Variants in RANBP3L observed in about 807,000 individuals in gnomAD.
RANBP3L encodes the protein ran-binding protein 3-like.
A neutral mutation model predicts 67.2 loss-of-function variants in RANBP3L; 56 were observed. The observed-to-expected ratio is 0.83, with a 90% CI of 0.67 to 1.04. The LOEUF is 1.04. Ranked by LOEUF, RANBP3L falls within the 50% of genes least tolerant of loss-of-function variation. RANBP3L has a pLI of 0.00. For synonymous variants in RANBP3L, 164 were observed against 181.4 expected, an observed-to-expected ratio of 0.90 and a Z score of 0.77; for missense variants, 496 against 535.5, an observed-to-expected ratio of 0.93 and a Z score of 0.73.
At chr5:36,269,312 CT>C (rs1750040559) in intron 4 of RANBP3L, 77 bp downstream of exon 4, 1 of 871,026 alleles carries the variant, frequency 1.1e-6, no homozygotes, top group Non-Finnish European at 1.9e-6. Flanking sequence ...TAACATTACC[CT>C]TTTGAAAAGT....
intron 1 of RANBP3L, among the ~76,000 whole-genome samples, chr5:36,274,982 A>T (rs1361775151): frequency 6.6e-6 from 1 of 152,092 alleles, no homozygotes; most frequent in Non-Finnish European, 1.5e-5. Flanking sequence ...ATACTTTAAA[A>T]CTTAAAGGTT....
intron 1 of RANBP3L, among the ~76,000 whole-genome samples, chr5:36,291,319 A>T (rs545619881): frequency 9.3e-5 from 14 of 150,660 alleles, no homozygotes; most frequent in African/African-American, 3.4e-4. Flanking sequence ...TGACTGGCTT[A>T]TTTCATTTAA....
chr5:36,300,119 A>C lies in RANBP3L; in HGVS notation c.91+1207T>G, dbSNP rs1752513815. ...TTAACATTTCATACAAAGTCAACAG[A>C]AAACAAAAACCTCTGATAAACTAGA... On this transcript the variant is annotated intron_variant, in intron 1 of 13. Transcript: ENST00000296604. 3.3e-5 allele frequency among the ~76,000 whole-genome samples: 5 copies of C among 152,222 alleles called. No homozygotes were observed. The South Asian group carries it at 1.0e-3, about 32-fold the overall frequency.
At position 36,299,335 on chromosome 5, in the gene RANBP3L, A is replaced by ATGTGTGTGTG. The variant is rs368964724; in HGVS notation, c.91+1981_91+1990dup. Among the ~76,000 whole-genome samples the ATGTGTGTGTG allele has an allele frequency of 2.5e-3, 364 of 145,352 alleles. 2 individuals are homozygous for ATGTGTGTGTG. Among genetic ancestry groups the ATGTGTGTGTG allele is most frequent in the African/African-American group, 9.0e-3 (350 of 38,872 alleles). On this transcript the variant is annotated intron_variant, in intron 1 of 13. Coordinates refer to ENST00000296604, the MANE Select transcript of RANBP3L (RefSeq NM_145000.5). ...TCTGTATATATATACACATACATAT[A>ATGTGTGTGTG]TGTGTGTGTGTGTGTGTGTGTGTGT... is the stretch of plus-strand genomic sequence containing the variant.
At chr5:36,257,688 T>G in intron 8 of RANBP3L, 132 bp from the exon 9 acceptor site, 1 of 460,182 alleles carries the variant, frequency 2.2e-6, no homozygotes, top group Non-Finnish European at 3.9e-6. Flanking sequence ...GTTTTTGTTT[T>G]GGACTTTCTG....
chr5:36,275,909 T>C (rs1373854187), intron 1 of RANBP3L, among the ~76,000 whole-genome samples: 2 of 152,126 alleles, frequency 1.3e-5, no homozygotes, highest in African/African-American at 4.8e-5. Flanking sequence ...CATAAAACCA[T>C]TTGATTCTTT....
rs755849987 is a variant in RANBP3L, at chr5:36,301,376, C to G, written c.41G>C (p.Gly14Ala). Residue 14 changes from glycine (G) to alanine (A), a missense_variant, in exon 1 of 14, where the codon GGC becomes GCC. Physicochemically the swap from Gly to Ala is moderately conservative, Grantham distance 60. Coordinates refer to ENST00000296604, the MANE Select transcript of RANBP3L (RefSeq NM_145000.5). Reference sequence around the variant, plus strand: ...CTTCAGTTTACAGGTGTGCAAACTGCCAGGCAGGTGGCTGCTGCCTTTTCT... The same window carrying G: ...CTTCAGTTTACAGGTGTGCAAACTGGCAGGCAGGTGGCTGCTGCCTTTTCT... The part of the protein sequence containing the change: ...IPRKGSSHLP[G>A]SLHTCKLKLQ... The G allele has an allele frequency of 5.6e-6, 9 of 1,613,790 alleles. No individual in the cohort carries two copies. The South Asian group carries it at 9.9e-5, about 18-fold the overall frequency.
At chr5:36,296,468 G>T (rs1474943523) in intron 1 of RANBP3L, among the ~76,000 whole-genome samples, 1 of 152,122 alleles carries the variant, frequency 6.6e-6, no homozygotes, top group Admixed American at 6.6e-5. Context: ...CCATGGAGAA[G>T]TTTCTCTAGT....
At position 36,248,100 on chromosome 5, in the gene RANBP3L, TAA is replaced by T. The variant is rs1389080840; in HGVS notation, c.*1552_*1553del. Among the ~76,000 whole-genome samples, 1 of 152,208 alleles carries T rather than the reference TAA, an allele frequency of 6.6e-6. No individual in the cohort carries two copies. Among genetic ancestry groups the T allele is most frequent in the Non-Finnish European group, 1.5e-5 (1 of 68,032 alleles). ...GCATCAGAGTCACTCTTCTTGATTT[TAA>T]AAAAGAGTATTTCTGTTGTCCATTC... On this transcript the variant is annotated 3_prime_UTR_variant, in exon 14 of 14. Transcript: ENST00000296604.
At chr5:36,278,052 C>T (rs1008086246) in intron 1 of RANBP3L, among the ~76,000 whole-genome samples, 2 of 152,096 alleles carry the variant, frequency 1.3e-5, no homozygotes, top group African/African-American at 4.8e-5. Flanking sequence ...CACTGGGTCC[C>T]TCCCACAACA....
intron 1 of RANBP3L, among the ~76,000 whole-genome samples, chr5:36,279,301 T>C (rs1338242520): frequency 6.6e-6 from 1 of 152,220 alleles, no homozygotes; most frequent in Non-Finnish European, 1.5e-5. Flanking sequence ...TGAGACATTC[T>C]GTACTTGTTT....
intron 8 of RANBP3L, among the ~76,000 whole-genome samples, chr5:36,258,986 A>T (rs1749184222): frequency 6.6e-6 from 1 of 152,256 alleles, no homozygotes; most frequent in Non-Finnish European, 1.5e-5. Flanking sequence ...GTAAGAACTC[A>T]GTACATGTTT....
chr5:36,297,111 C>T (rs1752270554), intron 1 of RANBP3L, among the ~76,000 whole-genome samples: 1 of 151,974 alleles, frequency 6.6e-6, no homozygotes, highest in South Asian at 2.1e-4. Context: ...GACCAGAATC[C>T]TTATCAATAA....
intron 1 of RANBP3L, among the ~76,000 whole-genome samples, chr5:36,292,085 T>C (rs1157376570): frequency 6.7e-6 from 1 of 148,896 alleles, no homozygotes; most frequent in African/African-American, 2.5e-5. Context: ...TTTTGAATGA[T>C]TGCCATTCTA....
chr5:36,278,279 A>T (rs1248443997), intron 1 of RANBP3L, among the ~76,000 whole-genome samples: 1 of 152,002 alleles, frequency 6.6e-6, no homozygotes, highest in East Asian at 1.9e-4. Context: ...GATATCAGGA[A>T]GTTTCCAAAT....
At chr5:36,255,798 A>T (rs1748932829) in intron 10 of RANBP3L, among the ~76,000 whole-genome samples, 1 of 152,112 alleles carries the variant, frequency 6.6e-6, no homozygotes, top group Non-Finnish European at 1.5e-5. Flanking sequence ...AAAGACATAC[A>T]AAGTGAAAAG....
At chr5:36,263,065 T>C (rs1022929801) in intron 6 of RANBP3L, among the ~76,000 whole-genome samples, 1 of 152,194 alleles carries the variant, frequency 6.6e-6, no homozygotes, top group Non-Finnish European at 1.5e-5. Context: ...GAGATAGTTT[T>C]CACAAAATCT....
intron 1 of RANBP3L, among the ~76,000 whole-genome samples, chr5:36,273,854 G>C (rs562666447): frequency 6.6e-6 from 1 of 152,072 alleles, no homozygotes; most frequent in Non-Finnish European, 1.5e-5. Context: ...ATTAAGTTTA[G>C]CCTAAAGCTA....
chr5:36,295,294 A>G (rs890635994), intron 1 of RANBP3L, among the ~76,000 whole-genome samples: 1 of 152,080 alleles, frequency 6.6e-6, no homozygotes, highest in African/African-American at 2.4e-5. Flanking sequence ...GTGGGAGGTA[A>G]CTGAATCATG....
Sources: allele counts gnomAD v4.1 joint callset (sites outside exome capture counted in the v4.1 genomes callset), GRCh38; gene constraint gnomAD v4.1.1; transcripts MANE v1.5; gene names NCBI Gene and HGNC (gene_info 2026-07-23, HGNC 2026-07-21).